MYLIP: variants seen among roughly 807,000 people sequenced by gnomAD.
MYLIP encodes myosin regulatory light chain interacting protein.
A neutral mutation model predicts 45.8 loss-of-function variants in MYLIP; 26 were observed. That is an observed-to-expected ratio of 0.57 (90% CI 0.42 to 0.79). MYLIP has a LOEUF of 0.79. Among genes scored for constraint, MYLIP ranks in the 30% least tolerant of loss-of-function variants. The pLI is 0.00. For synonymous variants in MYLIP, 213 were observed against 218.1 expected, an observed-to-expected ratio of 0.98 and a Z score of 0.21; for missense variants, 494 against 555.6, an observed-to-expected ratio of 0.89 and a Z score of 1.11.
chr6:16,136,565 T>G (rs1759560383), intron 2 of MYLIP, among the ~76,000 whole-genome samples: 1 of 152,228 alleles, frequency 6.6e-6, no homozygotes, highest in Admixed American at 6.5e-5. Context: ...TAGACACATA[T>G]TTTCATTTCT....
Position 16,146,999 on chromosome 6 carries a change from ATTTT to A in MYLIP, c.*253_*256del, listed in dbSNP as rs142596337. 2.8e-6 allele frequency: 1 copy of A among 354,314 alleles called. No homozygotes were observed. The highest frequency in any genetic ancestry group is 4.7e-5 in the South Asian group (1 of 21,190). The allele number at this position is 354,314 out of a possible 1,614,324, so 21.9% of individuals were successfully genotyped here. ...ACGCAGACACATTCCTTGGATGTTG[ATTTT>A]TTTTATGATCTAGTAAAGGAATAGG... On this transcript the variant is annotated 3_prime_UTR_variant, in exon 7 of 7. Coordinates refer to ENST00000356840, the MANE Select transcript of MYLIP (RefSeq NM_013262.4).
chr6:16,135,202 C>G (rs1426830979), intron 2 of MYLIP, among the ~76,000 whole-genome samples: 1 of 152,194 alleles, frequency 6.6e-6, no homozygotes, highest in African/African-American at 2.4e-5. Context: ...AAAAGCACTC[C>G]TTGGCTGATC....
At chr6:16,135,689 T>G (rs1759534933) in intron 2 of MYLIP, among the ~76,000 whole-genome samples, 2 of 150,164 alleles carry the variant, frequency 1.3e-5, no homozygotes, top group Admixed American at 1.3e-4. Context: ...ACAGGAAAAT[T>G]GGAGATTTTT....
chr6:16,144,887 T>C lies in MYLIP; in HGVS notation c.828-10T>C. On this transcript the variant is annotated splice_polypyrimidine_tract_variant and intron_variant, in intron 5 of 6. Transcript: ENST00000356840. ...TGGTGTTAAAGTAGATGTTCAATCT[T>C]GCCTTGCAGGTGTGACACAGTGACC... The C allele has an allele frequency of 6.2e-7, 1 of 1,603,208 alleles. No individual in the cohort carries two copies. Among genetic ancestry groups the C allele is most frequent in the African/African-American group, 1.3e-5 (1 of 74,734 alleles).
Position 16,147,744 on chromosome 6 carries a change from T to TG in MYLIP, c.*1001dup, listed in dbSNP as rs148485764. 3,018 of 152,398 alleles carry TG rather than the reference T, an allele frequency of 0.02. 56 individuals are homozygous for TG. Among genetic ancestry groups the TG allele is most frequent in the Admixed American group, 0.045 (681 of 15,260 alleles). 9.4% of individuals were successfully genotyped at this position (152,398 alleles called of 1,614,324 possible). ...TAGATATGGTGTCCTTTTCTGTTTT[T>TG]GGGGGGGGAGTTTTGTTGTGTTTTT... On this transcript the variant is annotated 3_prime_UTR_variant, in exon 7 of 7. Transcript: ENST00000356840.
the MYLIP span, among the ~76,000 whole-genome samples, chr6:16,155,404 G>A: frequency 6.6e-6 from 1 of 152,194 alleles, no homozygotes; most frequent in Non-Finnish European, 1.5e-5. Context: ...CAGCAACAAA[G>A]GGAGGGGCAA....
chr6:16,141,441 C>T (rs572397086), intron 2 of MYLIP, 184 bp from the exon 3 acceptor site: 131 of 469,076 alleles, frequency 2.8e-4, no homozygotes, highest in East Asian at 1.6e-3. Context: ...TCCAGAGAAA[C>T]GCAGTTCTTA....
intron 5 of MYLIP, 130 bp downstream of exon 5, chr6:16,143,993 T>C: frequency 8.9e-7 from 1 of 1,122,460 alleles, no homozygotes; most frequent in Admixed American, 2.7e-5. Flanking sequence ...ATTCTGAACA[T>C]TTTGTTTCCG....
chr6:16,140,727 C>G (rs536935922), intron 2 of MYLIP, among the ~76,000 whole-genome samples: 29 of 152,252 alleles, frequency 1.9e-4, no homozygotes, highest in African/African-American at 6.7e-4. Context: ...CAGGGAATGA[C>G]AGGAGACGTG....
intron 3 of MYLIP, 68 bp downstream of exon 3, chr6:16,141,878 A>T: frequency 7.2e-7 from 1 of 1,396,834 alleles, no homozygotes; most frequent in Non-Finnish European, 9.7e-7. Flanking sequence ...CTAAGGTTGG[A>T]AGGTAAACTA....
At chr6:16,143,902 C>T in intron 5 of MYLIP, 39 bp downstream of exon 5, 1 of 1,584,614 alleles carries the variant, frequency 6.3e-7, no homozygotes, top group Non-Finnish European at 8.6e-7. Flanking sequence ...AGCACCACAG[C>T]TCTCAGGTTT....
At chr6:16,141,474 A>C (rs561261371) in intron 2 of MYLIP, 151 bp from the exon 3 acceptor site, 1 of 685,432 alleles carries the variant, frequency 1.5e-6, no homozygotes, top group Non-Finnish European at 2.3e-6. Flanking sequence ...CTTAATACTG[A>C]TGATTTTTTT....
intron 3 of MYLIP, 25 bp downstream of exon 3, chr6:16,141,835 T>C (rs1759680342): frequency 6.3e-7 from 1 of 1,577,410 alleles, no homozygotes. Context: ...TATAGTATTG[T>C]TTACAACTAG....
the MYLIP span, among the ~76,000 whole-genome samples, chr6:16,156,240 A>G: frequency 6.6e-6 from 1 of 152,190 alleles, no homozygotes; most frequent in Non-Finnish European, 1.5e-5. Flanking sequence ...GAAAACAGAG[A>G]TGTAAACTCT....
chr6:16,155,296 G>C, the MYLIP span, among the ~76,000 whole-genome samples: 3 of 152,106 alleles, frequency 2.0e-5, no homozygotes, highest in African/African-American at 7.2e-5. Flanking sequence ...TTCACTCAAG[G>C]CTTTGAGGAA....
chr6:16,146,553 C>T, intron 6 of MYLIP, 109 bp from the exon 7 acceptor site: 1 of 807,980 alleles, frequency 1.2e-6, no homozygotes, highest in Non-Finnish European at 2.0e-6. Flanking sequence ...ACTGTGATCA[C>T]AATTGATTTA....
At chr6:16,157,795 C>T in the MYLIP span, among the ~76,000 whole-genome samples, 605 of 152,360 alleles carry the variant, frequency 4.0e-3, 5 homozygotes, top group African/African-American at 0.014. Flanking sequence ...ACAGGAAACT[C>T]CCAGGTTAAC....
chr6:16,143,907 A>G (rs1332157618), intron 5 of MYLIP, 44 bp downstream of exon 5: 1 of 1,575,716 alleles, frequency 6.3e-7, no homozygotes, highest in Non-Finnish European at 8.6e-7. Context: ...CACAGCTCTC[A>G]GGTTTTTAGG....
the MYLIP span, among the ~76,000 whole-genome samples, chr6:16,158,801 C>T: frequency 6.6e-6 from 1 of 152,124 alleles, no homozygotes; most frequent in Non-Finnish European, 1.5e-5. Flanking sequence ...ACCCGGGAGG[C>T]GGAGCTTGCA....
Sources: allele counts gnomAD v4.1 joint callset (sites outside exome capture counted in the v4.1 genomes callset), GRCh38; gene constraint gnomAD v4.1.1; transcripts MANE v1.5; gene names NCBI Gene and HGNC (gene_info 2026-07-23, HGNC 2026-07-21).